The following PLEKHA6 variants were observed in gnomAD, a reference collection of about 807,000 sequenced individuals.
The protein encoded by PLEKHA6 is pleckstrin homology domain containing A6, also known as pleckstrin homology domain-containing family A member 6.
A neutral mutation model predicts 116.7 loss-of-function variants in PLEKHA6; 60 were observed. The ratio of observed to expected loss-of-function variants is 0.51; its 90% CI spans 0.42 to 0.64. PLEKHA6 has a LOEUF of 0.64. Ranked by LOEUF, PLEKHA6 falls within the 30% of genes least tolerant of loss-of-function variation. PLEKHA6 has a pLI of 0.00. For synonymous variants in PLEKHA6, 489 were observed against 556.1 expected, an observed-to-expected ratio of 0.88 and a Z score of 1.70; for missense variants, 1,338 against 1,422.7, an observed-to-expected ratio of 0.94 and a Z score of 0.96.
At chr1:204,362,668 T>C (rs1673582524), upstream of PLEKHA6, among the ~76,000 whole-genome samples, 1 of 152,156 alleles carries the variant, frequency 6.6e-6, no homozygotes, top group Non-Finnish European at 1.5e-5. Flanking sequence ...CTCCTCAGCC[T>C]CCCAAGTAGC....
intron 9 of PLEKHA6, chr1:204,251,561 G>A: frequency 1.4e-6 from 1 of 702,952 alleles, no homozygotes; most frequent in South Asian, 1.5e-5. Context: ...TGGGGGAGGA[G>A]TTTTCCACCA....
At position 204,250,429 on chromosome 1, in the gene PLEKHA6, GAT is replaced by G. The variant is rs1664380333; in HGVS notation, c.1593+115_1593+116del. The stretch of plus-strand genomic sequence containing the variant: ...TATGAAAAGCCACCAGAAGGAGAGA[GAT>G]AGATGGAGAGACAGCCCCCGCAGAG... On this transcript the variant is annotated intron_variant, in intron 10 of 22. Transcript: ENST00000272203. The G allele has an allele frequency of 6.6e-5, 48 of 728,478 alleles. 1 individual carries two copies. The highest frequency in any genetic ancestry group is 2.8e-4 in the South Asian group (18 of 65,386). 45.1% of individuals were successfully genotyped at this position (728,478 alleles called of 1,614,324 possible). A position where few individuals can be genotyped will look rare whatever the true frequency, so the allele number is the denominator to read the frequency against.
chr1:204,271,638 C>G (rs938004175), intron 3 of PLEKHA6, among the ~76,000 whole-genome samples: 3 of 152,176 alleles, frequency 2.0e-5, no homozygotes, highest in Non-Finnish European at 2.9e-5. Flanking sequence ...TCCAGACAAC[C>G]TCCCACTGAC....
At chr1:204,273,519 C>A in intron 3 of PLEKHA6, 107 bp downstream of exon 3, 1 of 802,458 alleles carries the variant, frequency 1.2e-6, no homozygotes, top group South Asian at 1.5e-5. Context: ...TTGGAGCCTG[C>A]AGAAATAGCT....
At chr1:204,289,519 T>G (rs2103018936) in intron 1 of PLEKHA6, among the ~76,000 whole-genome samples, 1 of 152,320 alleles carries the variant, frequency 6.6e-6, no homozygotes, top group African/African-American at 2.4e-5. Flanking sequence ...TCTCCTGGGC[T>G]GCCTTCCTAG....
At chr1:204,332,380 G>GT (rs891216537) in intron 1 of PLEKHA6, among the ~76,000 whole-genome samples, 36 of 151,306 alleles carry the variant, frequency 2.4e-4, no homozygotes, top group Admixed American at 1.2e-3. Flanking sequence ...CTCACTGTTT[G>GT]TTTTTTTTTA....
At chr1:204,337,830 A>C (rs1672706629) in intron 1 of PLEKHA6, among the ~76,000 whole-genome samples, 1 of 152,236 alleles carries the variant, frequency 6.6e-6, no homozygotes. Context: ...GCACACACCC[A>C]AAGATGAGGA....
intron 2 of PLEKHA6, 162 bp downstream of exon 2, chr1:204,274,567 G>A: frequency 1.0e-6 from 1 of 983,160 alleles, no homozygotes; most frequent in African/African-American, 1.7e-5. Flanking sequence ...AGCCAGATGG[G>A]TCTCAGATGC....
chr1:204,309,785 C>T (rs1671590876), intron 1 of PLEKHA6: 1 of 799,120 alleles, frequency 1.3e-6, no homozygotes, highest in African/African-American at 1.9e-5. Context: ...ATTATATTTG[C>T]CTAGAGCAGG....
intron 17 of PLEKHA6, among the ~76,000 whole-genome samples, chr1:204,233,261 A>T (rs1571775239): frequency 7.2e-6 from 1 of 139,634 alleles, no homozygotes; most frequent in Non-Finnish European, 1.5e-5. Context: ...TGCAGCCTCC[A>T]CCTCCAGGGC....
chr1:204,259,646 T>C lies in PLEKHA6; in HGVS notation c.619A>G (p.Thr207Ala). 6.2e-7 allele frequency: 1 copy of C among 1,614,058 alleles called. No homozygotes were observed. The highest frequency in any genetic ancestry group is 8.5e-7 in the Non-Finnish European group (1 of 1,179,994). ...CCTCGGCCATCACCCTCCCCTCGAG[T>C]CTTGGCCTCTGGCTCAGGCTTAGGG... ...SLPKPEPEAK[T>A]RGEGDGRGCE... Residue 207 changes from threonine (T) to alanine (A), a missense_variant, in exon 8 of 23, where the codon ACT (threonine) becomes GCT (alanine). By Grantham distance (58) the Thr-to-Ala change is moderately conservative (BLOSUM62 0). Around this residue, in one of 3 missense-constraint regions of PLEKHA6, gnomAD observed 1,136 missense variants for 1,163.6 expected, o/e 0.98. Coordinates refer to ENST00000272203, the MANE Select transcript of PLEKHA6 (RefSeq NM_014935.5). This position sits in a 1 kb window ranked among gnomAD's most constrained non-coding sequence, Gnocchi z 4.6.
At chr1:204,318,577 G>T (rs975369053) in intron 1 of PLEKHA6, among the ~76,000 whole-genome samples, 1 of 152,226 alleles carries the variant, frequency 6.6e-6, no homozygotes. Context: ...GGCTCCATAA[G>T]TGTGGCCTCA....
At chr1:204,316,427 A>T (rs1236387670) in intron 1 of PLEKHA6, among the ~76,000 whole-genome samples, 1 of 152,158 alleles carries the variant, frequency 6.6e-6, no homozygotes, top group Non-Finnish European at 1.5e-5. Flanking sequence ...GGGACACGGG[A>T]GAAATGCTTT....
intron 3 of PLEKHA6, among the ~76,000 whole-genome samples, chr1:204,272,122 G>A (rs911738816): frequency 4.0e-5 from 6 of 150,762 alleles, no homozygotes; most frequent in South Asian, 2.1e-4. Context: ...ATGCTTCCCC[G>A]CCCACCCCAT....
chr1:204,252,188 C>T (rs915063336), intron 9 of PLEKHA6, among the ~76,000 whole-genome samples: 1 of 148,282 alleles, frequency 6.7e-6, no homozygotes, highest in Non-Finnish European at 1.5e-5. Flanking sequence ...TCGGATGACG[C>T]TAGGGAGCAA....
In PLEKHA6 at chr1:204,221,421, C is replaced by T. The variant is rs1659624838; in HGVS notation, c.*1367G>A. On this transcript the variant is annotated 3_prime_UTR_variant, in exon 23 of 23. Coordinates refer to ENST00000272203, the MANE Select transcript of PLEKHA6 (RefSeq NM_014935.5). The stretch of plus-strand genomic sequence containing the variant: ...TCCTCCTCTCTGGCTACATTCGTCT[C>T]CAGGTGGGTGGAGCTGAGGAGGAAT... 1 of 152,628 alleles carries T rather than the reference C, an allele frequency of 6.6e-6. No homozygotes were observed. The allele number at this position is 152,628 out of a possible 1,614,324, so 9.5% of individuals were successfully genotyped here.
intron 1 of PLEKHA6, chr1:204,326,893 A>G: frequency 2.9e-6 from 2 of 692,286 alleles, no homozygotes; most frequent in Non-Finnish European, 3.6e-6. Flanking sequence ...TTCCTATATG[A>G]TCCAAATAGG....
chr1:204,245,230 C>A (rs4951327), intron 14 of PLEKHA6, among the ~76,000 whole-genome samples: 104,868 of 151,836 alleles, frequency 0.69, 36,497 homozygotes, highest in East Asian at 0.82. Flanking sequence ...GTAGATGGAA[C>A]TGATACTGTT....
Position 204,377,009 on chromosome 1 carries a change from G to T in PLEKHA6, c.83+574C>A, listed in dbSNP as rs746717742. On this transcript the variant is annotated intron_variant, in intron 1 of 4. Coordinates refer to the PLEKHA6 transcript ENST00000564627. ...ATATTACTGAGAGTAGCAAAGGCGC[G>T]CTCTCTCTCAAGAATGCCAAACATA... is the stretch of plus-strand genomic sequence containing the variant. Among the ~76,000 whole-genome samples the T allele has an allele frequency of 1.8e-4, 28 of 152,222 alleles. 1 individual carries two copies. The highest frequency in any genetic ancestry group is 1.4e-3 in the Admixed American group (21 of 15,294).
Sources: gnomAD v4.1 joint callset for allele counts (sites outside exome capture counted in the v4.1 genomes callset) on GRCh38, gnomAD v4.1.1 for gene constraint, gnomAD v4.1.1 regional missense constraint, Gnocchi (gnomAD v3.1) non-coding constraint, MANE v1.5 for transcripts, NCBI Gene and HGNC (gene_info 2026-07-23, HGNC 2026-07-21) for gene names.